DSCAML1: variants seen among roughly 807,000 people sequenced by gnomAD.
DSCAML1 encodes DS cell adhesion molecule like 1.
A neutral mutation model predicts 200.5 loss-of-function variants in DSCAML1; 38 were observed. The ratio of observed to expected loss-of-function variants is 0.19; its 90% CI spans 0.15 to 0.25. DSCAML1 has a LOEUF of 0.25. DSCAML1 is among the 10% of genes least tolerant of loss of function. The probability of loss-of-function intolerance (pLI) is 1.00; values close to 1 mark genes in which losing one functional copy is unlikely to be tolerated. For missense variants in DSCAML1, 2,223 were observed against 2,858.8 expected, an observed-to-expected ratio of 0.78 and a Z score of 5.07; for synonymous variants, 1,215 against 1,165.0, an observed-to-expected ratio of 1.04 and a Z score of -0.87.
Position 117,437,770 on chromosome 11 carries a change from A to G in DSCAML1, c.4432+125T>C, listed in dbSNP as rs2047950329. On this transcript the variant is annotated intron_variant, in intron 25 of 32. Transcript: ENST00000651296. This position sits in a 1 kb window ranked among gnomAD's most constrained non-coding sequence, Gnocchi z 5.3. ...GAAGGAGGCTGAGGCTCCTCCCTTC[A>G]GTCTCCCTGCATCCCTGGACCCCTC... 1.8e-6 allele frequency: 2 copies of G among 1,086,170 alleles called. No homozygotes were observed. Among genetic ancestry groups the G allele is most frequent in the Admixed American group, 5.8e-5 (2 of 34,506 alleles). 67.3% of individuals were successfully genotyped at this position (1,086,170 alleles called of 1,614,324 possible).
intron 3 of DSCAML1, among the ~76,000 whole-genome samples, chr11:117,622,272 T>A (rs1468343202): frequency 6.6e-6 from 1 of 152,176 alleles, no homozygotes; most frequent in Admixed American, 6.5e-5. Flanking sequence ...TGCTTCACCA[T>A]GGAGACACAC....
intron 1 of DSCAML1, among the ~76,000 whole-genome samples, chr11:117,781,587 C>G (rs1177379586): frequency 6.6e-6 from 1 of 152,202 alleles, no homozygotes; most frequent in East Asian, 1.9e-4. Context: ...CCACAGAGGA[C>G]TGAATGAGGA....
intron 18 of DSCAML1, among the ~76,000 whole-genome samples, chr11:117,459,802 A>AC (rs536986841): frequency 0.013 from 2,005 of 151,958 alleles, 42 homozygotes; most frequent in South Asian, 0.017. Flanking sequence ...GTTCCTGGAG[A>AC]CCCCCCTCCC....
intron 3 of DSCAML1, among the ~76,000 whole-genome samples, chr11:117,539,172 A>G (rs2050220490): frequency 6.6e-6 from 1 of 152,144 alleles, no homozygotes; most frequent in African/African-American, 2.4e-5. Context: ...CAACCCAGAA[A>G]AGTCTGATCC....
At chr11:117,602,880 T>C (rs563681290) in intron 3 of DSCAML1, among the ~76,000 whole-genome samples, 182 of 151,962 alleles carry the variant, frequency 1.2e-3, no homozygotes, top group Non-Finnish European at 2.0e-3. Flanking sequence ...AGGTGGACCG[T>C]TTGAGCTCAG....
chr11:117,613,539 A>C (rs1283799453), intron 3 of DSCAML1, among the ~76,000 whole-genome samples: 1 of 152,128 alleles, frequency 6.6e-6, no homozygotes, highest in African/African-American at 2.4e-5. Flanking sequence ...ACAAGAAATC[A>C]AAAAGTCAAC....
At chr11:117,444,348 G>A (rs2048133502) in intron 20 of DSCAML1, among the ~76,000 whole-genome samples, 1 of 152,126 alleles carries the variant, frequency 6.6e-6, no homozygotes. Context: ...TGAGGGACGG[G>A]GTAGCCAGGA....
In DSCAML1 at chr11:117,780,688, G is replaced by A. The variant is rs767110867; in HGVS notation, c.169C>T (p.Leu57Phe). ...CPAAGSPSAA[L>F]RWYLATGDDI... ...TCCCCTGTGGCCAGGTACCATCGAA[G>A]GGCCGCGCTGGGGGAGCCCGCGGCC... Residue 57 changes from leucine (L) to phenylalanine (F), a missense_variant, in exon 2 of 33, where the codon CTT becomes TTT. Around this residue, in one of 7 missense-constraint regions of DSCAML1, gnomAD observed 579 missense variants for 721.5 expected, o/e 0.80. Coordinates refer to ENST00000651296, the MANE Select transcript of DSCAML1 (RefSeq NM_020693.4). This position sits in a 1 kb window ranked among gnomAD's most constrained non-coding sequence, Gnocchi z 4.8. 10 of 1,589,210 alleles carry A rather than the reference G, an allele frequency of 6.3e-6. No homozygotes were observed. The East Asian group carries it at 2.1e-4, about 33-fold the overall frequency.
At chr11:117,766,572 T>A (rs1230880642) in intron 3 of DSCAML1, among the ~76,000 whole-genome samples, 2 of 152,210 alleles carry the variant, frequency 1.3e-5, no homozygotes, top group Admixed American at 6.5e-5. Context: ...CCGCTCTGAT[T>A]TCAGGGTAAC....
chr11:117,699,027 A>G (rs1455283068), intron 3 of DSCAML1, among the ~76,000 whole-genome samples: 1 of 152,236 alleles, frequency 6.6e-6, no homozygotes. Context: ...TCAAGTCAGT[A>G]TGACTCACAG....
chr11:117,717,115 A>G (rs558811244), intron 3 of DSCAML1, among the ~76,000 whole-genome samples: 2 of 152,328 alleles, frequency 1.3e-5, no homozygotes, highest in South Asian at 4.1e-4. Flanking sequence ...CATCAGCTAT[A>G]GAAACCACCC....
chr11:117,757,327 C>T (rs147471719), intron 3 of DSCAML1, among the ~76,000 whole-genome samples: 2 of 152,244 alleles, frequency 1.3e-5, no homozygotes, highest in Non-Finnish European at 2.9e-5. Context: ...ATAATCATGA[C>T]AATCACTAAT....
chr11:117,772,480 T>G (rs1292175632), intron 3 of DSCAML1, among the ~76,000 whole-genome samples: 1 of 152,200 alleles, frequency 6.6e-6, no homozygotes, highest in Non-Finnish European at 1.5e-5. Flanking sequence ...AAGGAGCTGA[T>G]GCAGGCTTGT....
intron 1 of DSCAML1, among the ~76,000 whole-genome samples, chr11:117,784,993 C>G (rs554402291): frequency 6.6e-6 from 1 of 152,340 alleles, no homozygotes. Flanking sequence ...ATTCCAAGCC[C>G]TCTCCAAACC....
At chr11:117,579,537 A>T (rs1291731326) in intron 3 of DSCAML1, among the ~76,000 whole-genome samples, 1 of 152,238 alleles carries the variant, frequency 6.6e-6, no homozygotes, top group Non-Finnish European at 1.5e-5. Context: ...TCCCCTCTGC[A>T]GACAGGCCTT....
Position 117,428,649 on chromosome 11 carries a change from G to A in DSCAML1, c.5841C>T (p.Asp1947=), listed in dbSNP as rs774143422. The stretch of plus-strand genomic sequence containing the variant: ...GAAGGCCCAAGGACTTGCTGGCAGG[G>A]TCCAGGGTCAGGTGGCGAGCCTGGG... ...YHTQARHLTL[D]PASKSLGLPH... The change falls in exon 33 of 33, where the codon GAC becomes GAT. Residue 1947 remains aspartate (D), a synonymous_variant. Transcript: ENST00000651296. 6 of 1,611,778 alleles carry A rather than the reference G, an allele frequency of 3.7e-6. No individual in the cohort carries two copies. The highest frequency in any genetic ancestry group is 2.2e-5 in the East Asian group (1 of 44,828).
chr11:117,790,289 G>A (rs1477505995), intron 1 of DSCAML1, among the ~76,000 whole-genome samples: 1 of 152,216 alleles, frequency 6.6e-6, no homozygotes, highest in Non-Finnish European at 1.5e-5. Flanking sequence ...GACTACACTT[G>A]CATCTAAGAA....
chr11:117,752,510 C>T (rs1338943441), intron 3 of DSCAML1, among the ~76,000 whole-genome samples: 2 of 152,164 alleles, frequency 1.3e-5, no homozygotes, highest in African/African-American at 4.8e-5. Context: ...TCCTCCAGGC[C>T]AGTGCACTTT....
At chr11:117,797,326 G>T (rs894980424), upstream of DSCAML1, 7 of 1,277,350 alleles carry the variant, frequency 5.5e-6, no homozygotes, top group Non-Finnish European at 7.0e-6. Flanking sequence ...TGAGCGCCGC[G>T]CGAGCCCGGA....
Sources: allele counts gnomAD v4.1 joint callset (sites outside exome capture counted in the v4.1 genomes callset), GRCh38; gene constraint gnomAD v4.1.1; regional missense constraint gnomAD v4.1.1; non-coding constraint Gnocchi (gnomAD v3.1); transcripts MANE v1.5; gene names NCBI Gene and HGNC (gene_info 2026-07-23, HGNC 2026-07-21).